Variants in GLDC observed in about 807,000 individuals in gnomAD.
GLDC encodes the protein glycine decarboxylase.
Under a neutral mutation model 121.3 loss-of-function variants are expected in GLDC, and 104 were observed. The observed-to-expected ratio is 0.86, with a 90% CI of 0.73 to 1.01. GLDC has a LOEUF of 1.01. Among genes scored for constraint, GLDC ranks in the 50% least tolerant of loss-of-function variants. The probability of loss-of-function intolerance (pLI) is 0.00; values close to 1 mark genes in which losing one functional copy is unlikely to be tolerated. For synonymous variants in GLDC, 546 were observed against 480.6 expected, an observed-to-expected ratio of 1.14 and a Z score of -1.78; for missense variants, 1,429 against 1,306.6, an observed-to-expected ratio of 1.09 and a Z score of -1.44.
At chr9:6,633,561 C>A (rs1425639257) in intron 2 of GLDC, among the ~76,000 whole-genome samples, 1 of 152,088 alleles carries the variant, frequency 6.6e-6, no homozygotes, top group African/African-American at 2.4e-5. Context: ...ACATCACTAC[C>A]CCATCTAGAA....
intron 2 of GLDC, among the ~76,000 whole-genome samples, chr9:6,636,228 C>G (rs551326034): frequency 6.6e-6 from 1 of 151,466 alleles, no homozygotes; most frequent in East Asian, 1.9e-4. Flanking sequence ...CGCTTGAACC[C>G]AGGAGGCGGA....
At position 6,592,279 on chromosome 9, in the gene GLDC, G is replaced by C. The variant is rs1245800854; in HGVS notation, c.1402-56C>G. Reference sequence around the variant, plus strand: ...CAACTCTAAACTCCACATCACTGGAGGAATCCCAAGAGAGGTCAAAGGGGA... The same window carrying C: ...CAACTCTAAACTCCACATCACTGGACGAATCCCAAGAGAGGTCAAAGGGGA... On this transcript the variant is annotated intron_variant, in intron 10 of 24. Coordinates refer to ENST00000321612, the MANE Select transcript of GLDC (RefSeq NM_000170.3). The C allele has an allele frequency of 1.0e-5, 11 of 1,077,846 alleles. No homozygotes were observed. In the African/African-American group the frequency reaches 1.7e-4, roughly 17 times the overall value. 66.8% of individuals were successfully genotyped at this position (1,077,846 alleles called of 1,614,324 possible).
In GLDC at chr9:6,536,148, T is replaced by C; in HGVS notation, c.2754A>G (p.Arg918=). 1 of 1,614,096 alleles carries C rather than the reference T, an allele frequency of 6.2e-7. No homozygotes were observed. The highest frequency in any genetic ancestry group is 8.5e-7 in the Non-Finnish European group (1 of 1,179,942). The change falls in exon 23 of 25, where the codon AGA becomes AGG. Residue 918 remains arginine, a synonymous_variant. Coordinates refer to ENST00000321612, the MANE Select transcript of GLDC (RefSeq NM_000170.3). The part of the protein sequence containing the change: ...TESEDKAELD[R]FCDAMISIRQ... ...GAATGCTGATCATGGCATCACAGAA[T>C]CTGTCCAGCTCTGCCTTGTCCTCCG...
At chr9:6,609,135 A>C (rs1563859165) in intron 4 of GLDC, among the ~76,000 whole-genome samples, 1 of 152,212 alleles carries the variant, frequency 6.6e-6, no homozygotes, top group Non-Finnish European at 1.5e-5. Flanking sequence ...CATCTACATG[A>C]GAATTCCACC....
chr9:6,583,615 G>A lies in GLDC; in HGVS notation c.1850+3526C>T, dbSNP rs544548434. Among the ~76,000 whole-genome samples, 109 of 152,314 alleles carry A rather than the reference G, an allele frequency of 7.2e-4. 1 individual carries two copies. Among genetic ancestry groups the A allele is most frequent in the African/African-American group, 2.2e-3 (91 of 41,568 alleles). Reference sequence around the variant, plus strand: ...CACTTGAGCCTGGGAGGCCAAGGTTGCAGTGAGCCAAGATCCTGCTACTGC... The same window carrying A: ...CACTTGAGCCTGGGAGGCCAAGGTTACAGTGAGCCAAGATCCTGCTACTGC... On this transcript the variant is annotated intron_variant, in intron 15 of 24. Transcript: ENST00000321612.
At chr9:6,624,108 G>C (rs925939148) in intron 2 of GLDC, among the ~76,000 whole-genome samples, 4 of 152,206 alleles carry the variant, frequency 2.6e-5, no homozygotes, top group Non-Finnish European at 5.9e-5. Context: ...TGATGGTGTG[G>C]AAAGGTCACT....
At chr9:6,607,247 C>G (rs1252133258) in intron 4 of GLDC, among the ~76,000 whole-genome samples, 1 of 151,720 alleles carries the variant, frequency 6.6e-6, no homozygotes, top group Non-Finnish European at 1.5e-5. Flanking sequence ...TCAAATATAC[C>G]ATGAGGAAAA....
At chr9:6,611,979 T>C (rs1818865807) in intron 3 of GLDC, among the ~76,000 whole-genome samples, 1 of 118,060 alleles carries the variant, frequency 8.5e-6, no homozygotes, top group Non-Finnish European at 1.9e-5. Context: ...TCTTGTCTGA[T>C]TCAAGATCAC....
At chr9:6,564,395 C>T (rs1817815394) in intron 16 of GLDC, among the ~76,000 whole-genome samples, 1 of 152,146 alleles carries the variant, frequency 6.6e-6, no homozygotes, top group Non-Finnish European at 1.5e-5. Flanking sequence ...ACACTTTCAG[C>T]ATTCTTTATT....
At chr9:6,593,462 C>A (rs189714581) in intron 9 of GLDC, among the ~76,000 whole-genome samples, 4 of 151,788 alleles carry the variant, frequency 2.6e-5, no homozygotes, top group African/African-American at 9.7e-5. Context: ...TCACACCTGG[C>A]TAATAATTTT....
intron 21 of GLDC, among the ~76,000 whole-genome samples, chr9:6,545,867 C>G (rs1248184872): frequency 6.6e-6 from 1 of 152,178 alleles, no homozygotes; most frequent in African/African-American, 2.4e-5. Context: ...TCTCGAACTC[C>G]TGAGTTCAAG....
chr9:6,562,063 A>G (rs1817769627), intron 16 of GLDC, among the ~76,000 whole-genome samples: 1 of 152,162 alleles, frequency 6.6e-6, no homozygotes, highest in South Asian at 2.1e-4. Flanking sequence ...AGCAAACCTA[A>G]TTGTTTTTCT....
At chr9:6,592,468 T>C (rs192427057) in intron 10 of GLDC, among the ~76,000 whole-genome samples, 57 of 152,318 alleles carry the variant, frequency 3.7e-4, no homozygotes, top group East Asian at 1.9e-4. Flanking sequence ...GACACTCCTT[T>C]TGAAGCTAGA....
At chr9:6,596,348 T>C (rs1224708620) in intron 8 of GLDC, among the ~76,000 whole-genome samples, 2 of 152,140 alleles carry the variant, frequency 1.3e-5, no homozygotes, top group Non-Finnish European at 2.9e-5. Context: ...AACCACTTTT[T>C]AAAAACTTCA....
chr9:6,551,638 C>G (rs1419905115), intron 20 of GLDC, among the ~76,000 whole-genome samples: 2 of 152,074 alleles, frequency 1.3e-5, no homozygotes, highest in Non-Finnish European at 2.9e-5. Context: ...CCACATTGCT[C>G]CAGGCTGGTC....
At chr9:6,557,317 C>A (rs1817654240) in intron 17 of GLDC, among the ~76,000 whole-genome samples, 1 of 152,116 alleles carries the variant, frequency 6.6e-6, no homozygotes, top group South Asian at 2.1e-4. Context: ...GAACAGAGGC[C>A]AGGCGTGGTA....
At chr9:6,603,857 G>A (rs1435103955) in intron 7 of GLDC, among the ~76,000 whole-genome samples, 2 of 151,202 alleles carry the variant, frequency 1.3e-5, no homozygotes, top group Non-Finnish European at 2.9e-5. Context: ...TGCCTCCCAA[G>A]TAGCTGGGAC....
intron 2 of GLDC, among the ~76,000 whole-genome samples, chr9:6,620,649 C>G (rs111576097): frequency 6.6e-6 from 1 of 152,094 alleles, no homozygotes; most frequent in Non-Finnish European, 1.5e-5. Context: ...GCTGTATATA[C>G]GCTAAATAAA....
rs573019239 is a variant in GLDC at position 6,595,785 on chromosome 9, C to T, written c.1156-666G>A. On this transcript the variant is annotated intron_variant, in intron 8 of 24. Transcript: ENST00000321612. ...TCGAGGTTACAGTGACCTATGATTG[C>T]GCCACTGGACTCCAGCCCGGTTGAC... 5.3e-5 allele frequency among the ~76,000 whole-genome samples: 8 copies of T among 152,200 alleles called. No homozygotes were observed. The East Asian group carries it at 1.4e-3, about 26-fold the overall frequency.
Sources: gnomAD v4.1 joint callset for allele counts (sites outside exome capture counted in the v4.1 genomes callset) on GRCh38, gnomAD v4.1.1 for gene constraint, MANE v1.5 for transcripts, NCBI Gene and HGNC (gene_info 2026-07-23, HGNC 2026-07-21) for gene names.